The following GRIK1 variants were observed in gnomAD, a reference collection of about 807,000 sequenced individuals.
GRIK1 encodes glutamate receptor ionotropic, kainate 1.
A neutral mutation model predicts 105.7 loss-of-function variants in GRIK1; 69 were observed. The ratio of observed to expected loss-of-function variants is 0.65; its 90% CI spans 0.54 to 0.80. GRIK1 has a LOEUF of 0.80. Ranked by LOEUF, GRIK1 falls within the 30% of genes least tolerant of loss-of-function variation. The pLI, the probability that GRIK1 is intolerant of heterozygous loss-of-function variation, is 0.00. For missense variants in GRIK1, 1,109 were observed against 1,167.3 expected, an observed-to-expected ratio of 0.95 and a Z score of 0.73; for synonymous variants, 438 against 431.3, an observed-to-expected ratio of 1.02 and a Z score of -0.19.
intron 7 of GRIK1, among the ~76,000 whole-genome samples, chr21:29,606,322 G>T (rs1274910061): frequency 1.3e-5 from 2 of 152,016 alleles, no homozygotes; most frequent in Non-Finnish European, 2.9e-5. Flanking sequence ...GCATGCGCAG[G>T]ATATGCCGGT....
At chr21:29,884,507 T>G (rs1005565043) in intron 1 of GRIK1, among the ~76,000 whole-genome samples, 2 of 151,938 alleles carry the variant, frequency 1.3e-5, no homozygotes, top group African/African-American at 4.8e-5. Flanking sequence ...AATTACTAAG[T>G]CAGGGAGAGA....
intron 1 of GRIK1, among the ~76,000 whole-genome samples, chr21:29,914,853 G>C (rs1295816438): frequency 6.6e-6 from 1 of 152,052 alleles, no homozygotes; most frequent in African/African-American, 2.4e-5. Flanking sequence ...GTAAGCCATT[G>C]AGATCAGGGT....
intron 7 of GRIK1, among the ~76,000 whole-genome samples, chr21:29,604,867 G>T (rs2146344237): frequency 6.6e-6 from 1 of 152,096 alleles, no homozygotes; most frequent in Non-Finnish European, 1.5e-5. Context: ...AAAAATAAAA[G>T]GTTTCATGAA....
In GRIK1 at chr21:29,692,596, C is replaced by T. The variant is rs184140634; in HGVS notation, c.286+1300G>A. On this transcript the variant is annotated intron_variant, in intron 2 of 17. Transcript: ENST00000327783. ...AATGTTTTTTGTTTTGTTTTTGAGACGGAGTCTCGCTCTGTCACCCAGGCT... is the reference window on the plus strand; with the variant it reads ...AATGTTTTTTGTTTTGTTTTTGAGATGGAGTCTCGCTCTGTCACCCAGGCT... Among the ~76,000 whole-genome samples, 558 of 152,236 alleles carry T rather than the reference C, an allele frequency of 3.7e-3. 1 individual carries two copies. Among genetic ancestry groups the T allele is most frequent in the African/African-American group, 0.013 (533 of 41,546 alleles).
chr21:29,910,902 C>T (rs1489410270), intron 1 of GRIK1, among the ~76,000 whole-genome samples: 2 of 151,736 alleles, frequency 1.3e-5, no homozygotes, highest in African/African-American at 4.8e-5. Context: ...AGACTGACTT[C>T]GTTAGTTTGG....
chr21:29,912,461 A>G (rs950801566), intron 1 of GRIK1, among the ~76,000 whole-genome samples: 3 of 152,084 alleles, frequency 2.0e-5, no homozygotes, highest in Admixed American at 2.0e-4. Flanking sequence ...GTCTGGAAGA[A>G]AGAGCACTCC....
chr21:29,671,322 A>G (rs530326359), intron 4 of GRIK1, among the ~76,000 whole-genome samples: 1 of 151,588 alleles, frequency 6.6e-6, no homozygotes, highest in East Asian at 1.9e-4. Flanking sequence ...ACAGGGTTTC[A>G]CCATGTTGGC....
chr21:29,596,848 G>A (rs1229080610), intron 8 of GRIK1: 11 of 448,020 alleles, frequency 2.5e-5, no homozygotes, highest in Non-Finnish European at 4.1e-5. Flanking sequence ...AATGTATACA[G>A]GTATGCTGCA....
intron 1 of GRIK1, among the ~76,000 whole-genome samples, chr21:29,737,746 G>A (rs1012879143): frequency 2.0e-5 from 3 of 152,334 alleles, no homozygotes; most frequent in Admixed American, 6.5e-5. Context: ...TGGAGGTCAC[G>A]TGAAGGTTTT....
intron 1 of GRIK1, among the ~76,000 whole-genome samples, chr21:29,820,717 G>T (rs2067277409): frequency 6.6e-6 from 1 of 151,918 alleles, no homozygotes; most frequent in African/African-American, 2.4e-5. Context: ...TTGAAAAGGG[G>T]AGAATAATAA....
chr21:29,796,005 C>T (rs1458524969), intron 1 of GRIK1, among the ~76,000 whole-genome samples: 1 of 152,086 alleles, frequency 6.6e-6, no homozygotes, highest in Non-Finnish European at 1.5e-5. Context: ...TACATTATCA[C>T]CCTTAAGATG....
At chr21:29,871,000 G>A (rs1304912962) in intron 1 of GRIK1, among the ~76,000 whole-genome samples, 2 of 152,048 alleles carry the variant, frequency 1.3e-5, no homozygotes, top group Non-Finnish European at 2.9e-5. Flanking sequence ...CACAGATCAA[G>A]GTGCCTTGCA....
At chr21:29,752,862 G>A (rs923187397) in intron 1 of GRIK1, among the ~76,000 whole-genome samples, 1 of 152,174 alleles carries the variant, frequency 6.6e-6, no homozygotes, top group South Asian at 2.1e-4. Flanking sequence ...GTATATGTAA[G>A]TAGTGCATCT....
chr21:29,720,711 ACTGAGTG>A (rs2064298668), intron 1 of GRIK1, among the ~76,000 whole-genome samples: 1 of 152,164 alleles, frequency 6.6e-6, no homozygotes, highest in Non-Finnish European at 1.5e-5. Flanking sequence ...ATGAGAGATT[ACTGAGTG>A]CTTCCTAAGC....
intron 1 of GRIK1, among the ~76,000 whole-genome samples, chr21:29,792,098 T>C (rs2066433920): frequency 6.6e-6 from 1 of 152,014 alleles, no homozygotes; most frequent in African/African-American, 2.4e-5. Context: ...CTGACTGTTA[T>C]GTGTGTGTGT....
chr21:29,848,361 G>A (rs1275558681), intron 1 of GRIK1, among the ~76,000 whole-genome samples: 1 of 152,072 alleles, frequency 6.6e-6, no homozygotes, highest in East Asian at 1.9e-4. Context: ...CCAGTAATTT[G>A]TCCAAGTTCT....
At chr21:29,761,407 T>G (rs1221355808) in intron 1 of GRIK1, 1 of 152,214 alleles carries the variant, frequency 6.6e-6, no homozygotes, top group Non-Finnish European at 1.5e-5. Context: ...AAAATACCCT[T>G]GCTCTCTTTG....
intron 6 of GRIK1, among the ~76,000 whole-genome samples, chr21:29,646,206 A>G (rs183539893): frequency 6.6e-6 from 1 of 152,278 alleles, no homozygotes; most frequent in Non-Finnish European, 1.5e-5. Flanking sequence ...GCTGGTTACT[A>G]AGTAACTAAG....
At chr21:29,750,185 C>T (rs1040417121) in intron 1 of GRIK1, among the ~76,000 whole-genome samples, 6 of 151,442 alleles carry the variant, frequency 4.0e-5, no homozygotes, top group Non-Finnish European at 8.8e-5. Context: ...AACTAGTCAC[C>T]CTATTTTTAG....
Sources: gnomAD v4.1 joint callset for allele counts (sites outside exome capture counted in the v4.1 genomes callset) on GRCh38, gnomAD v4.1.1 for gene constraint, MANE v1.5 for transcripts, NCBI Gene and HGNC (gene_info 2026-07-23, HGNC 2026-07-21) for gene names.